The following MAP3K3 variants were observed in gnomAD, a reference collection of about 807,000 sequenced individuals.
MAP3K3 encodes MAP/ERK kinase kinase 3.
A neutral mutation model predicts 80.9 loss-of-function variants in MAP3K3; 12 were observed. The ratio of observed to expected loss-of-function variants is 0.15; its 90% CI spans 0.10 to 0.24. The LOEUF (loss-of-function observed/expected upper bound fraction) is 0.24. Among genes scored for constraint, MAP3K3 ranks in the 10% least tolerant of loss-of-function variants. The probability of loss-of-function intolerance (pLI) is 1.00; values close to 1 mark genes in which losing one functional copy is unlikely to be tolerated. For missense variants in MAP3K3, 596 were observed against 834.7 expected, an observed-to-expected ratio of 0.71 and a Z score of 3.52; for synonymous variants, 272 against 307.1, an observed-to-expected ratio of 0.89 and a Z score of 1.19.
At chr17:63,640,636 G>A (rs2034420967) in intron 2 of MAP3K3, among the ~76,000 whole-genome samples, 1 of 152,060 alleles carries the variant, frequency 6.6e-6, no homozygotes, top group South Asian at 2.1e-4. Flanking sequence ...ACTTTTCATT[G>A]CAAAAATTAG....
chr17:63,632,961 G>T (rs2034248484), intron 2 of MAP3K3, among the ~76,000 whole-genome samples, 159 bp downstream of exon 2: 1 of 152,128 alleles, frequency 6.6e-6, no homozygotes, highest in South Asian at 2.1e-4. Flanking sequence ...TACCAACCAG[G>T]TATGGTTAAA....
At chr17:63,638,940 C>T (rs111593211) in intron 2 of MAP3K3, among the ~76,000 whole-genome samples, 3,327 of 152,016 alleles carry the variant, frequency 0.022, 119 homozygotes, top group African/African-American at 0.076. Flanking sequence ...GTGGGAGAAT[C>T]GCTTGTACTT....
rs575429512 is a variant in MAP3K3, at chr17:63,690,352, G to A, written c.1152G>A (p.Thr384=). The A allele has an allele frequency of 3.0e-5, 49 of 1,614,184 alleles. No homozygotes were observed. The highest frequency in any genetic ancestry group is 1.8e-4 in the East Asian group (8 of 44,890). The change falls in exon 12 of 16, where the codon ACG becomes ACA. Residue 384 remains threonine, a synonymous_variant. Transcript: ENST00000361733. ...GRVYLCYDVD[T]GRELASKQVQ... ...TCTATTTGTGCTATGACGTGGACAC[G>A]GGACGTGAACTTGCTTCCAAGCAGG...
Position 63,689,437 on chromosome 17 carries a change from T to C in MAP3K3, c.872-107T>C. The stretch of plus-strand genomic sequence containing the variant: ...TCTATCACTTCTGGCTGAGACCTGG[T>C]TTGTATATTCCGCCTTGTAGCCCGG... On this transcript the variant is annotated intron_variant, in intron 10 of 15. Coordinates refer to ENST00000361733, the MANE Select transcript of MAP3K3 (RefSeq NM_002401.5). The surrounding 1 kb of genome is among the most constrained non-coding windows in gnomAD (Gnocchi z 4.3). 2.1e-6 allele frequency: 2 copies of C among 930,688 alleles called. No homozygotes were observed. Among genetic ancestry groups the C allele is most frequent in the Non-Finnish European group, 3.2e-6 (2 of 622,308 alleles). 57.7% of individuals were successfully genotyped at this position (930,688 alleles called of 1,614,324 possible). A position where few individuals can be genotyped will look rare whatever the true frequency, so the allele number is the denominator to read the frequency against.
intron 2 of MAP3K3, among the ~76,000 whole-genome samples, chr17:63,641,049 A>G (rs1203774043): frequency 2.6e-5 from 4 of 152,186 alleles, no homozygotes; most frequent in Non-Finnish European, 4.4e-5. Context: ...TTTGGCCCCA[A>G]GAATTTTGGC....
In MAP3K3 at chr17:63,692,990, A is replaced by G. The variant is rs187194294; in HGVS notation, c.1653-559A>G. Among the ~76,000 whole-genome samples, 1 of 152,330 alleles carries G rather than the reference A, an allele frequency of 6.6e-6. No homozygotes were observed. The highest frequency in any genetic ancestry group is 1.5e-5 in the Non-Finnish European group (1 of 68,032). On this transcript the variant is annotated intron_variant, in intron 15 of 15. Coordinates refer to ENST00000361733, the MANE Select transcript of MAP3K3 (RefSeq NM_002401.5). This position sits in a 1 kb window ranked among gnomAD's most constrained non-coding sequence, Gnocchi z 4.5. Reference sequence around the variant, plus strand: ...ATTATCCTGGATTAAGGGTCCTTACAGAAGGGTCTCAAGAGGTCAGAGTGG... The same window carrying G: ...ATTATCCTGGATTAAGGGTCCTTACGGAAGGGTCTCAAGAGGTCAGAGTGG...
At chr17:63,642,884 A>G (rs778048510) in intron 2 of MAP3K3, among the ~76,000 whole-genome samples, 3 of 151,858 alleles carry the variant, frequency 2.0e-5, no homozygotes, top group Non-Finnish European at 4.4e-5. Context: ...CAGCTTTCCA[A>G]GTAGCTAAGA....
At chr17:63,686,767 C>T (rs929012477) in intron 8 of MAP3K3, among the ~76,000 whole-genome samples, 2 of 152,184 alleles carry the variant, frequency 1.3e-5, no homozygotes, top group African/African-American at 4.8e-5. Flanking sequence ...TCTGTGCCTG[C>T]AGTACTTTGT....
In MAP3K3 at chr17:63,693,794, A is replaced by G. The variant is rs1023713635; in HGVS notation, c.*17A>G. Reference sequence around the variant, plus strand: ...ATGTACTGAGCTCTCACGGCCACACAGCTGCCGGTCGCCCTTTGCTGCATG... The same window carrying G: ...ATGTACTGAGCTCTCACGGCCACACGGCTGCCGGTCGCCCTTTGCTGCATG... On this transcript the variant is annotated 3_prime_UTR_variant, in exon 16 of 16. Coordinates refer to ENST00000361733, the MANE Select transcript of MAP3K3 (RefSeq NM_002401.5). This position sits in a 1 kb window ranked among gnomAD's most constrained non-coding sequence, Gnocchi z 4.2. 1 of 1,587,346 alleles carries G rather than the reference A, an allele frequency of 6.3e-7. No homozygotes were observed. The highest frequency in any genetic ancestry group is 2.3e-5 in the East Asian group (1 of 43,122).
chr17:63,659,436 T>C (rs1053083917), intron 5 of MAP3K3, among the ~76,000 whole-genome samples: 1 of 151,986 alleles, frequency 6.6e-6, no homozygotes, highest in African/African-American at 2.4e-5. Flanking sequence ...TGCTCTGTGC[T>C]CAGGAATCCT....
intron 5 of MAP3K3, among the ~76,000 whole-genome samples, chr17:63,663,758 G>A (rs1164393520): frequency 6.6e-6 from 1 of 152,086 alleles, no homozygotes; most frequent in Non-Finnish European, 1.5e-5. Flanking sequence ...CAGTCGTGGT[G>A]GCAAATGCCT....
rs2034023438 is a variant in MAP3K3, at chr17:63,622,992, T to TCC, written c.4+230_4+231dup. On this transcript the variant is annotated intron_variant, in intron 1 of 15. Transcript: ENST00000361733. ...GCCGGCAGAGCCCGCTCGGCAGCCC[T>TCC]CCTTCTGGGCGGCGCGGCGGGCGCA... Among the ~76,000 whole-genome samples, 3 of 146,066 alleles carry TCC rather than the reference T, an allele frequency of 2.1e-5. No individual in the cohort carries two copies. The South Asian group carries it at 6.8e-4, about 33-fold the overall frequency.
chr17:63,694,518 A>T lies in MAP3K3; in HGVS notation c.*741A>T, dbSNP rs1468975089. On this transcript the variant is annotated 3_prime_UTR_variant, in exon 16 of 16. Coordinates refer to ENST00000361733, the MANE Select transcript of MAP3K3 (RefSeq NM_002401.5). ...TGTTTTACAAGTTGGAGTCACTCTT[A>T]TGCTGTACCCAGTTTCTAAACTGGA... 6.5e-6 allele frequency: 1 copy of T among 152,700 alleles called. No individual in the cohort carries two copies. The highest frequency in any genetic ancestry group is 1.5e-5 in the Non-Finnish European group (1 of 68,074). The allele number at this position is 152,700 out of a possible 1,614,324, so 9.5% of individuals were successfully genotyped here.
chr17:63,694,619 G>A lies in MAP3K3; in HGVS notation c.*842G>A, dbSNP rs2095112656. ...TAGGCTGCATTGAAAAGAGCTGAAG[G>A]TTGTGGCCTTTGCGCTCCTGGCCCA... is the stretch of plus-strand genomic sequence containing the variant. On this transcript the variant is annotated 3_prime_UTR_variant, in exon 16 of 16. Coordinates refer to ENST00000361733, the MANE Select transcript of MAP3K3 (RefSeq NM_002401.5). 1 of 152,734 alleles carries A rather than the reference G, an allele frequency of 6.5e-6. No individual in the cohort carries two copies. The highest frequency in any genetic ancestry group is 1.5e-5 in the Non-Finnish European group (1 of 68,120). The allele number at this position is 152,734 out of a possible 1,614,324, so 9.5% of individuals were successfully genotyped here.
Position 63,691,991 on chromosome 17 carries a change from GA to G in MAP3K3, c.1474+131del. 9.1e-7 allele frequency: 1 copy of G among 1,099,672 alleles called. No homozygotes were observed. Among genetic ancestry groups the G allele is most frequent in the Non-Finnish European group, 1.3e-6 (1 of 758,908 alleles). 68.1% of individuals were successfully genotyped at this position (1,099,672 alleles called of 1,614,324 possible). On this transcript the variant is annotated intron_variant, in intron 14 of 15. Transcript: ENST00000361733. This position sits in a 1 kb window ranked among gnomAD's most constrained non-coding sequence, Gnocchi z 4.8. ...GTGGGACCCCAGTTGTTTCCCTGAGGAACTGGTGAGATTGGTTGAGCAATAT... is the reference window on the plus strand; with the variant it reads ...GTGGGACCCCAGTTGTTTCCCTGAGGACTGGTGAGATTGGTTGAGCAATAT...
chr17:63,637,979 C>T (rs1212427988), intron 2 of MAP3K3, among the ~76,000 whole-genome samples: 1 of 152,152 alleles, frequency 6.6e-6, no homozygotes, highest in African/African-American at 2.4e-5. Context: ...GATCTGTTCC[C>T]CCAGCAGGGT....
Position 63,649,867 on chromosome 17 carries a change from C to A in MAP3K3, c.168-2690C>A, listed in dbSNP as rs188276755. Among the ~76,000 whole-genome samples, 76 of 152,358 alleles carry A rather than the reference C, an allele frequency of 5.0e-4. 1 individual carries two copies. The highest frequency in any genetic ancestry group is 3.4e-3 in the Middle Eastern group (1 of 294). ...TACAGAAGAACATTAAAGAAATTAT[C>A]TGGTCAGATTTTATTAAAACCCAAT... is the stretch of plus-strand genomic sequence containing the variant. On this transcript the variant is annotated intron_variant, in intron 3 of 15. Coordinates refer to ENST00000361733, the MANE Select transcript of MAP3K3 (RefSeq NM_002401.5).
intron 6 of MAP3K3, among the ~76,000 whole-genome samples, chr17:63,677,053 T>A (rs1454969359): frequency 6.6e-6 from 1 of 152,174 alleles, no homozygotes; most frequent in Non-Finnish European, 1.5e-5. Context: ...AGGGTACAAA[T>A]GGGATTCTAC....
At chr17:63,679,240 C>A (rs1169550043) in intron 6 of MAP3K3, among the ~76,000 whole-genome samples, 6 of 152,134 alleles carry the variant, frequency 3.9e-5, no homozygotes, top group Non-Finnish European at 7.4e-5. Flanking sequence ...CAGAGCAAGC[C>A]TCCCCGCCAT....
Sources: allele counts gnomAD v4.1 joint callset (sites outside exome capture counted in the v4.1 genomes callset), GRCh38; gene constraint gnomAD v4.1.1; non-coding constraint Gnocchi (gnomAD v3.1); transcripts MANE v1.5; gene names NCBI Gene and HGNC (gene_info 2026-07-23, HGNC 2026-07-21).